The following TRPM3 variants were observed in gnomAD, a reference collection of about 807,000 sequenced individuals.
TRPM3 encodes transient receptor potential cation channel subfamily M member 3.
A neutral mutation model predicts 181.2 loss-of-function variants in TRPM3; 77 were observed. The observed-to-expected ratio is 0.42, with a 90% CI of 0.35 to 0.51. TRPM3 has a LOEUF of 0.51. Ranked by LOEUF, TRPM3 falls within the 20% of genes least tolerant of loss-of-function variation. TRPM3 has a pLI of 0.01. For synonymous variants in TRPM3, 745 were observed against 796.4 expected (o/e 0.94, Z 1.09); for missense variants, 1,759 against 2,196.7 (o/e 0.80, Z 3.98).
intron 1 of TRPM3, among the ~76,000 whole-genome samples, chr9:71,090,826 G>T (rs1226938968): frequency 2.6e-5 from 4 of 152,072 alleles, no homozygotes; most frequent in Non-Finnish European, 5.9e-5. Flanking sequence ...AAGATTAAAT[G>T]AATATTTAAA....
At chr9:71,216,933 C>CTT (rs1565351412) in intron 1 of TRPM3, among the ~76,000 whole-genome samples, 6 of 128,774 alleles carry the variant, frequency 4.7e-5, no homozygotes, top group African/African-American at 1.9e-4. Context: ...GTCAGTGGCC[C>CTT]TTTCTTTTTT....
intron 1 of TRPM3, among the ~76,000 whole-genome samples, chr9:71,111,698 T>C (rs931040770): frequency 6.6e-6 from 1 of 152,210 alleles, no homozygotes; most frequent in Admixed American, 6.5e-5. Context: ...AATGTTCAAG[T>C]GATCCTTTAT....
intron 1 of TRPM3, among the ~76,000 whole-genome samples, chr9:70,991,194 G>C (rs767554287): frequency 6.6e-6 from 1 of 152,156 alleles, no homozygotes; most frequent in Non-Finnish European, 1.5e-5. Context: ...TTCATGGATA[G>C]AATTCAGTGG....
At chr9:71,096,973 T>C (rs1002540671) in intron 1 of TRPM3, among the ~76,000 whole-genome samples, 2 of 152,092 alleles carry the variant, frequency 1.3e-5, no homozygotes, top group Non-Finnish European at 2.9e-5. Flanking sequence ...TGGCTCAAAA[T>C]TGCTGGTGCT....
chr9:70,561,940 A>G (rs1452460219), intron 22 of TRPM3, among the ~76,000 whole-genome samples: 2 of 152,196 alleles, frequency 1.3e-5, no homozygotes, highest in African/African-American at 4.8e-5. Flanking sequence ...TATTCTTTTA[A>G]CACTTCCTTA....
chr9:70,639,284 G>A (rs1198287417), intron 10 of TRPM3, 90 bp from the exon 11 acceptor site: 21 of 1,421,402 alleles, frequency 1.5e-5, no homozygotes, highest in African/African-American at 2.8e-5. Flanking sequence ...AGAAATGGAT[G>A]CCTTTGACAT....
chr9:70,582,584 C>T (rs2056158305), intron 22 of TRPM3, among the ~76,000 whole-genome samples: 1 of 152,074 alleles, frequency 6.6e-6, no homozygotes, highest in Non-Finnish European at 1.5e-5. Context: ...AATTCAGTGG[C>T]CACTAGCAAC....
In TRPM3 at chr9:70,537,132, T is replaced by C; in HGVS notation, c.3981A>G (p.Ile1327Met). 6.2e-7 allele frequency: 1 copy of C among 1,601,794 alleles called. No individual in the cohort carries two copies. The highest frequency in any genetic ancestry group is 8.5e-7 in the Non-Finnish European group (1 of 1,170,396). Residue 1327 changes from isoleucine (I) to methionine (M), a missense_variant, in exon 26 of 26, where the codon ATA (isoleucine) becomes ATG (methionine). Physicochemically the swap from Ile to Met is conservative, Grantham distance 10. Transcript: ENST00000677713. The stretch of plus-strand genomic sequence containing the variant: ...ACATGGTCTCCTCACCTGCAGGGTC[T>C]ATACTCTCTTGGAGCTTGAAGGTGT... ...EGNTFKLQES[I>M]DPAGEETMSP...
chr9:70,946,047 G>A (rs2096928842), intron 1 of TRPM3, among the ~76,000 whole-genome samples: 2 of 152,156 alleles, frequency 1.3e-5, no homozygotes, highest in Admixed American at 1.3e-4. Context: ...TAAGTATCCT[G>A]TGGATAGTAC....
At chr9:71,148,247 T>C (rs2075540491) in intron 1 of TRPM3, among the ~76,000 whole-genome samples, 1 of 152,186 alleles carries the variant, frequency 6.6e-6, no homozygotes. Context: ...AGTTATCAAA[T>C]AATATTTAAA....
At chr9:70,888,771 C>T (rs2096139767) in intron 1 of TRPM3, among the ~76,000 whole-genome samples, 2 of 152,212 alleles carry the variant, frequency 1.3e-5, no homozygotes, top group South Asian at 2.1e-4. Context: ...CCCTTCAAGC[C>T]GACTTTTGCC....
At chr9:71,120,435 G>T (rs181655623) in intron 1 of TRPM3, among the ~76,000 whole-genome samples, 29 of 152,276 alleles carry the variant, frequency 1.9e-4, no homozygotes, top group African/African-American at 6.3e-4. Flanking sequence ...GACTTTTTCA[G>T]TATCTTTAAT....
intron 1 of TRPM3, among the ~76,000 whole-genome samples, chr9:71,389,556 C>T (rs1407086131): frequency 6.6e-6 from 1 of 152,136 alleles, no homozygotes; most frequent in Non-Finnish European, 1.5e-5. Context: ...GCACAATTCA[C>T]AACTGCAAAA....
intron 1 of TRPM3, among the ~76,000 whole-genome samples, chr9:71,172,065 G>GT (rs1244867472): frequency 6.6e-6 from 1 of 151,894 alleles, no homozygotes; most frequent in South Asian, 2.1e-4. Flanking sequence ...TACCTGGCCA[G>GT]TTTTTTTGTT....
chr9:70,923,841 T>TAC (rs1329256368), intron 1 of TRPM3, among the ~76,000 whole-genome samples: 10 of 125,062 alleles, frequency 8.0e-5, no homozygotes, highest in African/African-American at 2.9e-4. Flanking sequence ...TATATATATA[T>TAC]ATACACACAC....
intron 1 of TRPM3, among the ~76,000 whole-genome samples, chr9:70,896,742 G>C (rs1326159106): frequency 6.6e-6 from 1 of 151,062 alleles, no homozygotes; most frequent in African/African-American, 2.4e-5. Context: ...ATCACTCTTG[G>C]ATCGAATTAG....
chr9:70,907,966 C>A (rs571013853), intron 1 of TRPM3, among the ~76,000 whole-genome samples: 3 of 152,068 alleles, frequency 2.0e-5, no homozygotes, highest in Admixed American at 6.6e-5. Flanking sequence ...TGATGGGTAC[C>A]TGGTTTGATT....
intron 9 of TRPM3, among the ~76,000 whole-genome samples, chr9:70,657,714 T>C (rs2060559631): frequency 1.3e-5 from 2 of 152,178 alleles, no homozygotes; most frequent in African/African-American, 4.8e-5. Flanking sequence ...TTACAGGGCT[T>C]TTACTCCTGA....
chr9:71,302,228 T>G (rs1173355285), intron 1 of TRPM3, among the ~76,000 whole-genome samples: 2 of 152,192 alleles, frequency 1.3e-5, no homozygotes, highest in Non-Finnish European at 2.9e-5. Flanking sequence ...TAAAAGTTAT[T>G]GCAAATACTC....
Sources: gnomAD v4.1 joint callset for allele counts (sites outside exome capture counted in the v4.1 genomes callset) on GRCh38, gnomAD v4.1.1 for gene constraint, MANE v1.5 for transcripts, NCBI Gene and HGNC (gene_info 2026-07-23, HGNC 2026-07-21) for gene names.